The following SUPT3H variants were observed in gnomAD, a reference collection of about 807,000 sequenced individuals.
SUPT3H encodes the protein SPT3 homolog, SAGA and STAGA complex component, also known as transcription initiation protein SPT3 homolog.
A neutral mutation model predicts 44.3 loss-of-function variants in SUPT3H; 44 were observed. The observed-to-expected ratio is 0.99, with a 90% CI of 0.78 to 1.28. The LOEUF (loss-of-function observed/expected upper bound fraction) is 1.28. Ranked by LOEUF, SUPT3H falls within the 50% of genes most tolerant of loss-of-function variation. The pLI is 0.00. For missense variants in SUPT3H, 380 were observed against 387.1 expected, an observed-to-expected ratio of 0.98 and a Z score of 0.15; for synonymous variants, 124 against 125.6, an observed-to-expected ratio of 0.99 and a Z score of 0.09.
intron 10 of SUPT3H, among the ~76,000 whole-genome samples, chr6:44,888,995 A>C (rs956713523): frequency 7.1e-6 from 1 of 141,112 alleles, no homozygotes; most frequent in African/African-American, 2.7e-5. Context: ...GAGCCAAATC[A>C]TGAGTGAACT....
intron 2 of SUPT3H, chr6:45,328,231 G>A: frequency 5.5e-6 from 7 of 1,276,458 alleles, no homozygotes; most frequent in South Asian, 1.3e-5. Context: ...TAAGAGTACT[G>A]TGAGGTCACA....
At chr6:45,259,148 G>GT (rs1317265926) in intron 2 of SUPT3H, among the ~76,000 whole-genome samples, 1 of 152,070 alleles carries the variant, frequency 6.6e-6, no homozygotes, top group Non-Finnish European at 1.5e-5. Flanking sequence ...GCATTTGCTT[G>GT]TTGGGAAGAG....
intron 6 of SUPT3H, among the ~76,000 whole-genome samples, chr6:44,987,700 A>C (rs1042655395): frequency 2.0e-5 from 3 of 151,874 alleles, no homozygotes; most frequent in Admixed American, 6.6e-5. Context: ...TTGTTTGTTT[A>C]AGATGGGGGA....
intron 2 of SUPT3H, among the ~76,000 whole-genome samples, chr6:45,112,404 AT>A (rs1391043150): frequency 7.9e-5 from 12 of 151,760 alleles, no homozygotes; most frequent in Admixed American, 2.0e-4. Flanking sequence ...TGTTCCTTAA[AT>A]TTAAAAAAAA....
chr6:45,005,514 C>T (rs1013151042), intron 5 of SUPT3H, among the ~76,000 whole-genome samples: 22 of 151,800 alleles, frequency 1.4e-4, no homozygotes, highest in Non-Finnish European at 2.5e-4. Flanking sequence ...CTGAGGCGGG[C>T]GGATCACCTG....
chr6:44,976,521 C>T (rs538745066), intron 6 of SUPT3H, among the ~76,000 whole-genome samples: 2 of 152,136 alleles, frequency 1.3e-5, no homozygotes, highest in Non-Finnish European at 2.9e-5. Flanking sequence ...ACAACCATGC[C>T]TGGCTAATTT....
At chr6:45,207,185 A>T (rs77552308) in intron 2 of SUPT3H, among the ~76,000 whole-genome samples, 2,671 of 152,308 alleles carry the variant, frequency 0.018, 51 homozygotes, top group South Asian at 0.086. Context: ...AAATAAAAAT[A>T]AACCAGAAGA....
intron 3 of SUPT3H, among the ~76,000 whole-genome samples, chr6:45,088,558 GT>G (rs1315100663): frequency 6.6e-6 from 1 of 152,026 alleles, no homozygotes; most frequent in Non-Finnish European, 1.5e-5. Flanking sequence ...GCTCAAGACT[GT>G]ATAACTGGCA....
chr6:45,111,099 C>A (rs1799989389), intron 2 of SUPT3H, among the ~76,000 whole-genome samples: 1 of 150,616 alleles, frequency 6.6e-6, no homozygotes, highest in Admixed American at 6.6e-5. Context: ...GTGGCGCGAC[C>A]TTCGCTCACT....
chr6:45,350,266 T>C (rs950708221), intron 2 of SUPT3H, among the ~76,000 whole-genome samples: 3 of 152,176 alleles, frequency 2.0e-5, no homozygotes, highest in African/African-American at 7.2e-5. Flanking sequence ...CACTTGGTAA[T>C]TGTGAATGAA....
At chr6:45,010,933 T>C (rs1783396797) in intron 5 of SUPT3H, among the ~76,000 whole-genome samples, 1 of 152,132 alleles carries the variant, frequency 6.6e-6, no homozygotes, top group Non-Finnish European at 1.5e-5. Flanking sequence ...TAAACACTTT[T>C]GGAATTTTGT....
At chr6:44,845,386 T>C (rs1431003222) in intron 10 of SUPT3H, among the ~76,000 whole-genome samples, 1 of 152,190 alleles carries the variant, frequency 6.6e-6, no homozygotes, top group Non-Finnish European at 1.5e-5. Flanking sequence ...AGGGCTTGAA[T>C]TCTAATTCTG....
At chr6:45,312,338 C>G (rs1327892096) in intron 2 of SUPT3H, among the ~76,000 whole-genome samples, 1 of 151,916 alleles carries the variant, frequency 6.6e-6, no homozygotes, top group Middle Eastern at 3.2e-3. Context: ...CACAGTGAAA[C>G]CCTATCTCCA....
At chr6:45,373,447 T>C (rs577821968) in intron 1 of SUPT3H, among the ~76,000 whole-genome samples, 1 of 151,932 alleles carries the variant, frequency 6.6e-6, no homozygotes, top group East Asian at 1.9e-4. Context: ...CCCAAGAAAA[T>C]GTTGGTTCTC....
chr6:44,854,550 C>T (rs1010068038), intron 10 of SUPT3H, among the ~76,000 whole-genome samples: 1 of 152,094 alleles, frequency 6.6e-6, no homozygotes, highest in African/African-American at 2.4e-5. Flanking sequence ...TGCTGAGGTT[C>T]CTTCTCCTTT....
chr6:44,921,126 C>G (rs928771240), intron 10 of SUPT3H, among the ~76,000 whole-genome samples: 14 of 152,138 alleles, frequency 9.2e-5, no homozygotes, highest in African/African-American at 3.4e-4. Context: ...ACCTCCCTCC[C>G]AATATATTTC....
intron 2 of SUPT3H, among the ~76,000 whole-genome samples, chr6:45,208,730 AAAAAAAACAAAC>A (rs1476897865): frequency 8.3e-5 from 4 of 48,152 alleles, no homozygotes; most frequent in Non-Finnish European, 1.8e-4. Flanking sequence ...TCTCAAAAAA[AAAAAAAACAAAC>A]AAAAAAATTC....
intron 6 of SUPT3H, among the ~76,000 whole-genome samples, chr6:44,981,911 C>T (rs1230426376): frequency 6.7e-6 from 1 of 148,488 alleles, no homozygotes; most frequent in Non-Finnish European, 1.5e-5. Context: ...GACCATGGTG[C>T]GTGCCTGTAG....
At chr6:45,213,989 C>A (rs537433781) in intron 2 of SUPT3H, among the ~76,000 whole-genome samples, 1 of 91,166 alleles carries the variant, frequency 1.1e-5, no homozygotes, top group East Asian at 3.3e-4. Context: ...TAATAACACT[C>A]GAAAGCCTTT....
Sources: gnomAD v4.1 joint callset for allele counts (sites outside exome capture counted in the v4.1 genomes callset) on GRCh38, gnomAD v4.1.1 for gene constraint, MANE v1.5 for transcripts, NCBI Gene and HGNC (gene_info 2026-07-23, HGNC 2026-07-21) for gene names.